Variants in MYO1E observed in about 807,000 individuals in gnomAD.
MYO1E encodes myosin IE, also known as unconventional myosin-Ie.
Under a neutral mutation model 151.1 loss-of-function variants are expected in MYO1E, and 68 were observed. That is an observed-to-expected ratio of 0.45 (90% CI 0.37 to 0.55). The LOEUF (loss-of-function observed/expected upper bound fraction) is 0.55, where lower values mean the gene tolerates loss of function less well. Among genes scored for constraint, MYO1E ranks in the 20% least tolerant of loss-of-function variants. The probability of loss-of-function intolerance (pLI) is 0.00; values close to 1 mark genes in which losing one functional copy is unlikely to be tolerated. For missense variants in MYO1E, 1,363 were observed against 1,389.3 expected, an observed-to-expected ratio of 0.98 and a Z score of 0.30; for synonymous variants, 601 against 501.7, an observed-to-expected ratio of 1.20 and a Z score of -2.64.
intron 16 of MYO1E, among the ~76,000 whole-genome samples, chr15:59,201,868 C>T (rs111951366): frequency 0.011 from 1,693 of 152,256 alleles, 15 homozygotes; most frequent in Middle Eastern, 0.02. Context: ...AAGGAGAGGC[C>T]TGTAGGACCC....
intron 17 of MYO1E, among the ~76,000 whole-genome samples, chr15:59,191,975 T>C (rs1166812397): frequency 3.3e-5 from 5 of 152,046 alleles, no homozygotes; most frequent in Non-Finnish European, 7.4e-5. Context: ...CAAAAACGCA[T>C]TTGCAACAGG....
At chr15:59,256,467 T>C in intron 3 of MYO1E, 89 bp from the exon 4 acceptor site, 2 of 682,582 alleles carry the variant, frequency 2.9e-6, no homozygotes, top group Non-Finnish European at 4.6e-6. Flanking sequence ...ATACACTCAA[T>C]TTCTTTTCCT....
chr15:59,372,827 C>T lies in MYO1E; in HGVS notation c.-327G>A, dbSNP rs1432453835. Reference sequence around the variant, plus strand: ...GTCCGCCTCGCTCCCCTGCCTCACTCCTCTTTCTTCGGCCACTTAATCCGT... The same window carrying T: ...GTCCGCCTCGCTCCCCTGCCTCACTTCTCTTTCTTCGGCCACTTAATCCGT... On this transcript the variant is annotated 5_prime_UTR_variant, in exon 1 of 28. Transcript: ENST00000288235. 2.2e-6 allele frequency: 1 copy of T among 460,226 alleles called. No individual in the cohort carries two copies. The highest frequency in any genetic ancestry group is 3.9e-5 in the Admixed American group (1 of 25,842). The allele number at this position is 460,226 out of a possible 1,614,324, so 28.5% of individuals were successfully genotyped here. A position where few individuals can be genotyped will look rare whatever the true frequency, so the allele number is the denominator to read the frequency against.
At chr15:59,243,434 C>T (rs1405017464) in intron 4 of MYO1E, among the ~76,000 whole-genome samples, 1 of 152,072 alleles carries the variant, frequency 6.6e-6, no homozygotes, top group Non-Finnish European at 1.5e-5. Flanking sequence ...ACATAAGAGT[C>T]CTGTGTGGTA....
At position 59,297,437 on chromosome 15, in the gene MYO1E, A is replaced by ATTTTTTTTTT. The variant is rs755470049; in HGVS notation, c.4-24998_4-24989dup. 3.2e-4 allele frequency among the ~76,000 whole-genome samples: 20 copies of ATTTTTTTTTT among 63,486 alleles called. 1 individual carries two copies. Among genetic ancestry groups the ATTTTTTTTTT allele is most frequent in the South Asian group, 1.6e-3 (2 of 1,280 alleles). 41.6% of individuals were successfully genotyped at this position (63,486 alleles called of 152,430 possible). A position where few individuals can be genotyped will look rare whatever the true frequency, so the allele number is the denominator to read the frequency against. Reference sequence around the variant, plus strand: ...AGGTACGCACCACCACACCCAGCTAATTTTTTTTTTTTTTTTTTTTTTTTA... The same window carrying ATTTTTTTTTT: ...AGGTACGCACCACCACACCCAGCTAATTTTTTTTTTTTTTTTTTTTTTTTTTTTTTTTTTA... On this transcript the variant is annotated intron_variant, in intron 1 of 27. Transcript: ENST00000288235.
At chr15:59,177,512 C>T (rs1333536603) in intron 19 of MYO1E, among the ~76,000 whole-genome samples, 1 of 152,174 alleles carries the variant, frequency 6.6e-6, no homozygotes, top group Non-Finnish European at 1.5e-5. Flanking sequence ...CTGCCAAGTT[C>T]ATCACTGACT....
intron 24 of MYO1E, among the ~76,000 whole-genome samples, chr15:59,160,116 A>C (rs1447199107): frequency 6.6e-6 from 1 of 152,088 alleles, no homozygotes; most frequent in Admixed American, 6.5e-5. Context: ...GATTATAGGC[A>C]TGAGCCACCG....
chr15:59,184,039 C>T (rs1259024716), intron 18 of MYO1E, among the ~76,000 whole-genome samples: 4 of 152,112 alleles, frequency 2.6e-5, no homozygotes, highest in South Asian at 2.1e-4. Context: ...GACGGAATCT[C>T]GTTCTGTCAC....
intron 1 of MYO1E, among the ~76,000 whole-genome samples, chr15:59,295,776 C>T (rs1036885175): frequency 6.6e-6 from 1 of 152,088 alleles, no homozygotes; most frequent in Non-Finnish European, 1.5e-5. Flanking sequence ...TGGAGGACCC[C>T]AAAGGAGTGG....
chr15:59,326,503 C>A (rs1256463903), intron 1 of MYO1E, among the ~76,000 whole-genome samples: 6 of 152,148 alleles, frequency 3.9e-5, no homozygotes, highest in African/African-American at 1.4e-4. Flanking sequence ...AGCCTGGCGA[C>A]AGAGCAAGAC....
chr15:59,179,259 A>T (rs982015156), intron 18 of MYO1E, among the ~76,000 whole-genome samples: 5 of 152,004 alleles, frequency 3.3e-5, no homozygotes, highest in Non-Finnish European at 5.9e-5. Context: ...TTGGACCAAA[A>T]ATCAAAAACT....
At chr15:59,224,970 T>C (rs2079980413) in intron 7 of MYO1E, 147 bp from the exon 8 acceptor site, 1 of 1,061,612 alleles carries the variant, frequency 9.4e-7, no homozygotes, top group Admixed American at 2.0e-5. Context: ...TATGTACTTG[T>C]AGTAGCCCCA....
chr15:59,249,896 C>A (rs1442266779), intron 4 of MYO1E, among the ~76,000 whole-genome samples: 1 of 152,192 alleles, frequency 6.6e-6, no homozygotes, highest in African/African-American at 2.4e-5. Context: ...CCACCCAGAA[C>A]AGGATTTCCC....
At chr15:59,354,091 T>A (rs576205002) in intron 1 of MYO1E, among the ~76,000 whole-genome samples, 1 of 152,010 alleles carries the variant, frequency 6.6e-6, no homozygotes, top group Non-Finnish European at 1.5e-5. Flanking sequence ...CAAAACAACA[T>A]GAAGGGCAAA....
chr15:59,314,118 G>C (rs2080570463), intron 1 of MYO1E, among the ~76,000 whole-genome samples: 1 of 152,126 alleles, frequency 6.6e-6, no homozygotes, highest in East Asian at 1.9e-4. Context: ...ATGTTACAGA[G>C]GACTGTCATT....
chr15:59,172,493 C>T (rs1427851586), intron 21 of MYO1E, among the ~76,000 whole-genome samples: 10 of 152,060 alleles, frequency 6.6e-5, no homozygotes, highest in Admixed American at 1.3e-4. Context: ...ATCACATGAC[C>T]GGGCCCCATG....
At chr15:59,149,045 T>G (rs574159838) in intron 26 of MYO1E, among the ~76,000 whole-genome samples, 3,635 of 62,590 alleles carry the variant, frequency 0.058, 74 homozygotes, top group Middle Eastern at 0.12. Flanking sequence ...ACTGTTTTTT[T>G]TTTTTTGTTT....
rs796523231 is a variant in MYO1E, at chr15:59,136,474, C to T, written c.*906G>A. The T allele has an allele frequency of 1.0e-5, 3 of 291,118 alleles. No homozygotes were observed. The highest frequency in any genetic ancestry group is 9.6e-5 in the South Asian group (3 of 31,222). The allele number at this position is 291,118 out of a possible 1,614,324, so 18.0% of individuals were successfully genotyped here. ...CAGGGACTGACCTAGAAAGCAGTGACACTCCGTAGTTGGAAAAAAGCAGAG... is the reference window on the plus strand; with the variant it reads ...CAGGGACTGACCTAGAAAGCAGTGATACTCCGTAGTTGGAAAAAAGCAGAG... On this transcript the variant is annotated 3_prime_UTR_variant, in exon 28 of 28. Transcript: ENST00000288235.
Position 59,372,816 on chromosome 15 carries a change from C to CCTGCCTCACTCCT in MYO1E, c.-329_-317dup. On this transcript the variant is annotated 5_prime_UTR_variant, in exon 1 of 28. Transcript: ENST00000288235. ...GCGCTCGGAGCGTCCGCCTCGCTCCCCTGCCTCACTCCTCTTTCTTCGGCC... is the reference window on the plus strand; with the variant it reads ...GCGCTCGGAGCGTCCGCCTCGCTCCCCTGCCTCACTCCTCTGCCTCACTCCTCTTTCTTCGGCC... The CCTGCCTCACTCCT allele has an allele frequency of 2.1e-6, 1 of 485,752 alleles. No homozygotes were observed. Among genetic ancestry groups the CCTGCCTCACTCCT allele is most frequent in the South Asian group, 2.9e-5 (1 of 35,086 alleles). 30.1% of individuals were successfully genotyped at this position (485,752 alleles called of 1,614,324 possible).
Sources: gnomAD v4.1 joint callset for allele counts (sites outside exome capture counted in the v4.1 genomes callset) on GRCh38, gnomAD v4.1.1 for gene constraint, MANE v1.5 for transcripts, NCBI Gene and HGNC (gene_info 2026-07-23, HGNC 2026-07-21) for gene names.